Variants in LAMA2 observed in about 807,000 individuals in gnomAD.
LAMA2 encodes the protein laminin subunit alpha 2.
A neutral mutation model predicts 364.8 loss-of-function variants in LAMA2; 269 were observed. The ratio of observed to expected loss-of-function variants is 0.74; its 90% confidence interval spans 0.67 to 0.82. LAMA2 has a LOEUF of 0.82. Among genes scored for constraint, LAMA2 ranks in the 40% least tolerant of loss-of-function variants. The pLI is 0.00. For synonymous variants in LAMA2, 1,379 were observed against 1,370.6 expected, an observed-to-expected ratio of 1.01 and a Z score of -0.14; for missense variants, 3,807 against 3,873.2, an observed-to-expected ratio of 0.98 and a Z score of 0.45.
intron 12 of LAMA2, among the ~76,000 whole-genome samples, chr6:129,216,079 A>G (rs1249676275): frequency 6.6e-6 from 1 of 152,234 alleles, no homozygotes; most frequent in Non-Finnish European, 1.5e-5. Flanking sequence ...TATCAAAGTC[A>G]TGAATCAGAA....
At chr6:129,389,935 C>A (rs1312842817) in intron 35 of LAMA2, among the ~76,000 whole-genome samples, 1 of 152,098 alleles carries the variant, frequency 6.6e-6, no homozygotes, top group East Asian at 1.9e-4. Context: ...AGAGAAAAAC[C>A]ATATCAGGCT....
intron 1 of LAMA2, among the ~76,000 whole-genome samples, chr6:128,904,452 C>CTT (rs562812796): frequency 6.7e-5 from 8 of 119,316 alleles, no homozygotes; most frequent in Admixed American, 8.7e-5. Flanking sequence ...TTTTTCCTTT[C>CTT]TTTTTTTTTT....
At chr6:129,165,435 A>G (rs1265989895) in intron 8 of LAMA2, 141 bp from the exon 9 acceptor site, 2 of 593,338 alleles carry the variant, frequency 3.4e-6, no homozygotes, top group Admixed American at 2.9e-5. Flanking sequence ...ATAAACATGT[A>G]TTAAAGGTAA....
At chr6:129,259,538 A>G (rs1318627300) in intron 14 of LAMA2, among the ~76,000 whole-genome samples, 2 of 152,108 alleles carry the variant, frequency 1.3e-5, no homozygotes, top group Admixed American at 1.3e-4. Context: ...TTTATTTAAA[A>G]TTTATTTTCA....
At chr6:129,141,406 G>C (rs1409431458) in intron 4 of LAMA2, among the ~76,000 whole-genome samples, 2 of 151,982 alleles carry the variant, frequency 1.3e-5, no homozygotes, top group Non-Finnish European at 2.9e-5. Context: ...GCATTAGAGA[G>C]GATTCAGTAT....
intron 22 of LAMA2, among the ~76,000 whole-genome samples, chr6:129,311,425 G>T (rs1344017984): frequency 6.6e-6 from 1 of 152,116 alleles, no homozygotes; most frequent in Non-Finnish European, 1.5e-5. Context: ...CCGGCCTAAT[G>T]AAGAACCAGA....
chr6:129,500,362 A>C (rs561542162), intron 58 of LAMA2, among the ~76,000 whole-genome samples: 1 of 152,352 alleles, frequency 6.6e-6, no homozygotes, highest in Non-Finnish European at 1.5e-5. Context: ...CTTAAAAACA[A>C]AGGACTATAC....
chr6:128,977,714 C>T (rs1169840213), intron 1 of LAMA2, among the ~76,000 whole-genome samples: 1 of 152,166 alleles, frequency 6.6e-6, no homozygotes, highest in African/African-American at 2.4e-5. Context: ...TCGGTTGAGA[C>T]AATAATTTTC....
In LAMA2 at chr6:129,053,248, A is replaced by G. The variant is rs1230931908; in HGVS notation, c.283+3160A>G. On this transcript the variant is annotated intron_variant, in intron 2 of 64. Transcript: ENST00000421865. ...GCCCGGCTAATTTTGTATTTTTAGT[A>G]GAGACGAGGTTTCTCCATGTTGGTT... Among the ~76,000 whole-genome samples, 6 of 152,216 alleles carry G rather than the reference A, an allele frequency of 3.9e-5. No homozygotes were observed. In the South Asian group the frequency reaches 1.0e-3, roughly 26 times the overall value.
chr6:129,254,857 A>G (rs1786522917), intron 14 of LAMA2, among the ~76,000 whole-genome samples: 7 of 152,122 alleles, frequency 4.6e-5, no homozygotes, highest in Admixed American at 4.6e-4. Context: ...TTTATGAAGC[A>G]CCTATATTAG....
chr6:129,013,790 G>A (rs1032578220), intron 1 of LAMA2, among the ~76,000 whole-genome samples: 1 of 151,982 alleles, frequency 6.6e-6, no homozygotes, highest in African/African-American at 2.4e-5. Flanking sequence ...TGAGAATAGA[G>A]AATAAATTTG....
Position 129,098,161 on chromosome 6 carries a change from A to AT in LAMA2, c.397-11dup. 6.2e-7 allele frequency: 1 copy of AT among 1,613,682 alleles called. No homozygotes were observed. Among genetic ancestry groups the AT allele is most frequent in the East Asian group, 2.2e-5 (1 of 44,888 alleles). On this transcript the variant is annotated splice_polypyrimidine_tract_variant and intron_variant, in intron 3 of 64. Coordinates refer to ENST00000421865, the MANE Select transcript of LAMA2 (RefSeq NM_000426.4). ...GGAATTCAATGTTATTGTTGTTGTT[A>AT]TACTTCCCTAGGTGTTCCAGATCGC...
chr6:128,970,614 A>G (rs1328800611), intron 1 of LAMA2, among the ~76,000 whole-genome samples: 1 of 152,254 alleles, frequency 6.6e-6, no homozygotes, highest in African/African-American at 2.4e-5. Context: ...TTTATGCCGG[A>G]ACATCAACAA....
rs1316936006 is a variant in LAMA2 at position 129,454,187 on chromosome 6, CAA to C, written c.6608_6609del (p.Lys2203SerfsTer22). 6.2e-7 allele frequency: 1 copy of C among 1,612,598 alleles called. No homozygotes were observed. The highest frequency in any genetic ancestry group is 8.5e-7 in the Non-Finnish European group (1 of 1,178,876). On this transcript the variant is annotated frameshift_variant, in exon 47 of 65. Coordinates refer to ENST00000421865, the MANE Select transcript of LAMA2 (RefSeq NM_000426.4). LOFTEE classifies it high-confidence loss of function. ...TTCTGGCTATAGAAATGCGTAAAGG[CAA>C]AGTCAGCTTCCTCTGGGATGTTGGA... is the stretch of plus-strand genomic sequence containing the variant. ...DFLAIEMRKG[K>X]VSFLWDVGSG... is the part of the protein sequence containing the mutation.
chr6:128,933,904 G>A (rs1479376758), intron 1 of LAMA2, among the ~76,000 whole-genome samples: 1 of 151,986 alleles, frequency 6.6e-6, no homozygotes, highest in Admixed American at 6.6e-5. Context: ...TTTTTATTTT[G>A]TTGATTGTAT....
intron 40 of LAMA2, among the ~76,000 whole-genome samples, chr6:129,413,469 T>TGCCCCA (rs1780637178): frequency 6.6e-6 from 1 of 152,058 alleles, no homozygotes; most frequent in Non-Finnish European, 1.5e-5. Flanking sequence ...AGATAATTAA[T>TGCCCCA]TCTACATGCC....
intron 1 of LAMA2, among the ~76,000 whole-genome samples, chr6:129,018,675 T>A (rs1785230902): frequency 6.6e-6 from 1 of 152,092 alleles, no homozygotes; most frequent in South Asian, 2.1e-4. Context: ...TATCTCAACT[T>A]GTCAATTTTT....
chr6:129,175,727 A>G (rs1008799701), intron 9 of LAMA2, among the ~76,000 whole-genome samples: 2 of 152,152 alleles, frequency 1.3e-5, no homozygotes, highest in Non-Finnish European at 2.9e-5. Flanking sequence ...GCATTAGGAG[A>G]AATACCTAAT....
At position 129,505,184 on chromosome 6, in the gene LAMA2, CCTTT is replaced by C. The variant is rs1262390189; in HGVS notation, c.8548-11_8548-8del. 6.2e-7 allele frequency: 1 copy of C among 1,611,296 alleles called. No homozygotes were observed. Among genetic ancestry groups the C allele is most frequent in the East Asian group, 2.2e-5 (1 of 44,816 alleles). On this transcript the variant is annotated splice_polypyrimidine_tract_variant and intron_variant, in intron 60 of 64. Coordinates refer to ENST00000421865, the MANE Select transcript of LAMA2 (RefSeq NM_000426.4). ...TTGTTCAGGATTGGCATTAATGACT[CCTTT>C]CTTTTTTGTAGATTAAGATAATGAG...
Sources: gnomAD v4.1 joint callset for allele counts (sites outside exome capture counted in the v4.1 genomes callset) on GRCh38, gnomAD v4.1.1 for gene constraint, MANE v1.5 for transcripts, NCBI Gene and HGNC (gene_info 2026-07-23, HGNC 2026-07-21) for gene names.